The following RIMS1 variants were observed in gnomAD, a reference collection of about 807,000 sequenced individuals.
The protein encoded by RIMS1 is regulating synaptic membrane exocytosis protein 1.
RIMS1 carries 83 observed loss-of-function variants against 214.1 expected under a neutral mutation model. The observed-to-expected ratio is 0.39, with a 90% CI of 0.32 to 0.47. The LOEUF (loss-of-function observed/expected upper bound fraction) is 0.47. Ranked by LOEUF, RIMS1 falls within the 20% of genes least tolerant of loss-of-function variation. The pLI, the probability that RIMS1 is intolerant of heterozygous loss-of-function variation, is 0.99. For synonymous variants in RIMS1, 793 were observed against 786.8 expected, an observed-to-expected ratio of 1.01 and a Z score of -0.13; for missense variants, 2,050 against 2,161.8, an observed-to-expected ratio of 0.95 and a Z score of 1.03.
At chr6:72,331,741 G>A (rs1038046285) in intron 28 of RIMS1, among the ~76,000 whole-genome samples, 1 of 151,856 alleles carries the variant, frequency 6.6e-6, no homozygotes. Context: ...CTCAAAAAAT[G>A]TACATAAAAT....
chr6:72,180,473 C>T lies in RIMS1; in HGVS notation c.812+558C>T, dbSNP rs550907427. On this transcript the variant is annotated intron_variant, in intron 5 of 33. Transcript: ENST00000521978. Reference sequence around the variant, plus strand: ...TAGCTGCTGGCTACAGTGCAAGTAGCAGAGGCAATGTGGAGGAGAAAAGGC... The same window carrying T: ...TAGCTGCTGGCTACAGTGCAAGTAGTAGAGGCAATGTGGAGGAGAAAAGGC... 2.1e-4 allele frequency among the ~76,000 whole-genome samples: 32 copies of T among 152,242 alleles called. 1 individual carries two copies. Among genetic ancestry groups the T allele is most frequent in the East Asian group, 7.7e-4 (4 of 5,174 alleles).
In RIMS1 at chr6:72,248,433, G is replaced by A. The variant is rs183907346; in HGVS notation, c.2241+306G>A. 2.5e-4 allele frequency among the ~76,000 whole-genome samples: 38 copies of A among 152,174 alleles called. No individual in the cohort carries two copies. In the East Asian group the frequency reaches 7.1e-3, roughly 29 times the overall value. ...GTAAAAGTTTCTAAGGTAAATAATT[G>A]TTTACACATAATATTAGGAGTTCAT... On this transcript the variant is annotated intron_variant, in intron 12 of 33. Coordinates refer to ENST00000521978, the MANE Select transcript of RIMS1 (RefSeq NM_014989.7).
rs1272444089 is a variant in RIMS1, at chr6:72,290,872, A to G, written c.3737+11A>G. On this transcript the variant is annotated intron_variant, in intron 25 of 33. Transcript: ENST00000521978. The stretch of plus-strand genomic sequence containing the variant: ...TCCGCTTCTGACAAGGTCGCTATTC[A>G]GTGTCCCCCTCAGCATTCATGTCCT... 1 of 1,610,790 alleles carries G rather than the reference A, an allele frequency of 6.2e-7. No homozygotes were observed. The highest frequency in any genetic ancestry group is 1.3e-5 in the African/African-American group (1 of 74,822).
At chr6:71,921,304 A>T (rs951255782) in intron 1 of RIMS1, among the ~76,000 whole-genome samples, 5 of 152,082 alleles carry the variant, frequency 3.3e-5, no homozygotes, top group Admixed American at 2.6e-4. Flanking sequence ...TATTTTTAGT[A>T]GAGACGGCAT....
chr6:72,103,644 C>G (rs1431413611), intron 4 of RIMS1, among the ~76,000 whole-genome samples: 1 of 152,008 alleles, frequency 6.6e-6, no homozygotes, highest in Non-Finnish European at 1.5e-5. Context: ...TTTTTGTGAA[C>G]ATACGTTGTC....
chr6:72,140,882 A>C (rs1410224522), intron 4 of RIMS1, among the ~76,000 whole-genome samples: 1 of 152,054 alleles, frequency 6.6e-6, no homozygotes, highest in African/African-American at 2.4e-5. Flanking sequence ...GCAAAAGTAC[A>C]TAGTTTTCCT....
chr6:72,143,089 G>T (rs960666950), intron 4 of RIMS1, among the ~76,000 whole-genome samples: 1 of 152,086 alleles, frequency 6.6e-6, no homozygotes, highest in African/African-American at 2.4e-5. Flanking sequence ...TAGTGTTCAT[G>T]GTGGTTGATG....
At chr6:71,920,313 G>A (rs998280859) in intron 1 of RIMS1, among the ~76,000 whole-genome samples, 1 of 152,172 alleles carries the variant, frequency 6.6e-6, no homozygotes, top group Non-Finnish European at 1.5e-5. Flanking sequence ...AAAGTCTGTA[G>A]TTTAGTTAAT....
chr6:72,170,961 C>A (rs1484333104), intron 4 of RIMS1, among the ~76,000 whole-genome samples: 1 of 151,950 alleles, frequency 6.6e-6, no homozygotes, highest in African/African-American at 2.4e-5. Flanking sequence ...TCTATGAAAT[C>A]ATTATTATTA....
intron 4 of RIMS1, among the ~76,000 whole-genome samples, chr6:72,137,947 A>G (rs1352252807): frequency 6.6e-6 from 1 of 152,060 alleles, no homozygotes; most frequent in African/African-American, 2.4e-5. Flanking sequence ...CATGTTAGCC[A>G]GGATGGTCTC....
chr6:71,994,720 G>A (rs1198785591), intron 2 of RIMS1, among the ~76,000 whole-genome samples: 1 of 152,166 alleles, frequency 6.6e-6, no homozygotes, highest in Non-Finnish European at 1.5e-5. Context: ...ATAAACTGAA[G>A]TGGCAGTCCA....
chr6:71,893,695 CA>C (rs1398391371), intron 1 of RIMS1, among the ~76,000 whole-genome samples: 1 of 152,170 alleles, frequency 6.6e-6, no homozygotes, highest in Non-Finnish European at 1.5e-5. Flanking sequence ...CACATTCTTA[CA>C]TCGAGTTTAT....
At chr6:71,949,786 A>G (rs753572474) in intron 1 of RIMS1, among the ~76,000 whole-genome samples, 1 of 152,190 alleles carries the variant, frequency 6.6e-6, no homozygotes, top group East Asian at 1.9e-4. Flanking sequence ...TGTTATAGCC[A>G]TTTTGGAGAA....
chr6:71,952,692 T>A (rs1204717777), intron 1 of RIMS1, among the ~76,000 whole-genome samples: 1 of 152,138 alleles, frequency 6.6e-6, no homozygotes, highest in South Asian at 2.1e-4. Context: ...TAGCTGGATA[T>A]CCCCACAGGG....
intron 19 of RIMS1, chr6:72,261,523 T>C: frequency 2.2e-6 from 2 of 925,378 alleles, no homozygotes; most frequent in Non-Finnish European, 1.3e-6. Flanking sequence ...TCATGGAACA[T>C]ATTCTATAAA....
At position 72,182,666 on chromosome 6, in the gene RIMS1, G is replaced by C; in HGVS notation, c.1195G>C (p.Glu399Gln). 1.4e-6 allele frequency: 2 copies of C among 1,458,394 alleles called. No homozygotes were observed. The highest frequency in any genetic ancestry group is 1.8e-6 in the Non-Finnish European group (2 of 1,110,350). 90.3% of individuals were successfully genotyped at this position (1,458,394 alleles called of 1,614,324 possible). Reference sequence around the variant, plus strand: ...CAGCGACGTGGCGCTCCCGCGCACCGAGGCGGGCGCGGCGCTGCCGGAGGG... The same window carrying C: ...CAGCGACGTGGCGCTCCCGCGCACCCAGGCGGGCGCGGCGCTGCCGGAGGG... ...RHSDVALPRT[E>Q]AGAALPEGKA... is the part of the protein sequence containing the mutation. Residue 399 changes from glutamate to glutamine, a missense_variant, in exon 6 of 34, where the codon GAG becomes CAG. Coordinates refer to ENST00000521978, the MANE Select transcript of RIMS1 (RefSeq NM_014989.7).
At chr6:72,102,379 A>G (rs1038421367) in intron 4 of RIMS1, among the ~76,000 whole-genome samples, 6 of 152,034 alleles carry the variant, frequency 3.9e-5, no homozygotes, top group African/African-American at 1.4e-4. Context: ...GAAAAACAGA[A>G]CCTTACTATT....
chr6:72,014,282 C>G (rs1811935517), intron 2 of RIMS1, among the ~76,000 whole-genome samples: 1 of 152,156 alleles, frequency 6.6e-6, no homozygotes, highest in South Asian at 2.1e-4. Context: ...GAAACCACCC[C>G]CATGATTCAG....
At chr6:72,115,832 C>A (rs1351262604) in intron 4 of RIMS1, among the ~76,000 whole-genome samples, 1 of 151,568 alleles carries the variant, frequency 6.6e-6, no homozygotes, top group African/African-American at 2.4e-5. Flanking sequence ...TTCATTTGAA[C>A]CCAGCTTTTT....
Sources: allele counts gnomAD v4.1 joint callset (sites outside exome capture counted in the v4.1 genomes callset), GRCh38; gene constraint gnomAD v4.1.1; transcripts MANE v1.5; gene names NCBI Gene and HGNC (gene_info 2026-07-23, HGNC 2026-07-21).